Variants in KAZN observed in about 807,000 individuals in gnomAD.
The protein encoded by KAZN is kazrin, periplakin interacting protein.
A neutral mutation model predicts 87.4 loss-of-function variants in KAZN; 40 were observed. The ratio of observed to expected loss-of-function variants is 0.46; its 90% CI spans 0.36 to 0.60. The LOEUF is 0.60. Among genes scored for constraint, KAZN ranks in the 20% least tolerant of loss-of-function variants. The pLI is 0.00. For missense variants in KAZN, 898 were observed against 1,073.9 expected (o/e 0.84, Z 2.29); for synonymous variants, 466 against 458.3 (o/e 1.02, Z -0.22).
chr1:14,111,064 C>T (rs1644489497), intron 1 of KAZN, among the ~76,000 whole-genome samples: 1 of 134,380 alleles, frequency 7.4e-6, no homozygotes, highest in Non-Finnish European at 1.6e-5. Flanking sequence ...AGTGGAAGTA[C>T]ATCAATGTCC....
chr1:14,475,455 C>A (rs1354251252), intron 2 of KAZN, among the ~76,000 whole-genome samples: 1 of 152,152 alleles, frequency 6.6e-6, no homozygotes, highest in Non-Finnish European at 1.5e-5. Context: ...ATTCACCTCC[C>A]GTATCTTGTG....
At chr1:14,258,309 G>A (rs1206122049) in intron 2 of KAZN, among the ~76,000 whole-genome samples, 4 of 148,876 alleles carry the variant, frequency 2.7e-5, no homozygotes, top group South Asian at 2.1e-4. Context: ...TCTGCCTCCC[G>A]GGTTCACACC....
intron 1 of KAZN, among the ~76,000 whole-genome samples, chr1:14,931,468 CATGGGA>C (rs1388414774): frequency 1.3e-5 from 2 of 151,844 alleles, no homozygotes; most frequent in Non-Finnish European, 2.9e-5. Flanking sequence ...AGAGAGAAGT[CATGGGA>C]ATGTCTTGGC....
chr1:13,907,267 G>A (rs1200471286), intron 1 of KAZN, among the ~76,000 whole-genome samples: 1 of 152,216 alleles, frequency 6.6e-6, no homozygotes, highest in Non-Finnish European at 1.5e-5. Context: ...AACACATTTT[G>A]TGCCTCTCAA....
intron 1 of KAZN, among the ~76,000 whole-genome samples, chr1:14,781,054 G>A (rs1034409619): frequency 1.3e-5 from 2 of 152,144 alleles, no homozygotes; most frequent in South Asian, 4.1e-4. Context: ...CGGGCGCGGA[G>A]GATCACACCT....
At chr1:14,328,359 C>T (rs1656591031) in intron 2 of KAZN, among the ~76,000 whole-genome samples, 1 of 152,174 alleles carries the variant, frequency 6.6e-6, no homozygotes. Context: ...CAAAACCTCC[C>T]TTACTTTGTG....
chr1:14,047,527 T>C (rs1476090512), intron 1 of KAZN, among the ~76,000 whole-genome samples: 2 of 152,176 alleles, frequency 1.3e-5, no homozygotes, highest in Non-Finnish European at 2.9e-5. Flanking sequence ...ATGGCACCAC[T>C]GCTCGCCTGG....
chr1:15,011,963 G>T (rs1669613244), intron 2 of KAZN, among the ~76,000 whole-genome samples: 1 of 152,112 alleles, frequency 6.6e-6, no homozygotes, highest in African/African-American at 2.4e-5. Flanking sequence ...CTTCAGGGCT[G>T]CTGGAACTTG....
chr1:14,792,610 G>A (rs1645710287), intron 1 of KAZN, among the ~76,000 whole-genome samples: 2 of 152,116 alleles, frequency 1.3e-5, no homozygotes, highest in African/African-American at 4.8e-5. Context: ...GAGAGGGTGT[G>A]CCAAGCAGAG....
intron 1 of KAZN, among the ~76,000 whole-genome samples, chr1:14,004,764 C>CAGT (rs61504616): frequency 0.95 from 144,149 of 152,070 alleles, 68,582 homozygotes; most frequent in African/African-American, 0.97. Flanking sequence ...ACTTAATCTC[C>CAGT]CTGGCAGTAT....
intron 2 of KAZN, among the ~76,000 whole-genome samples, chr1:14,400,367 GA>G (rs1457931328): frequency 6.6e-6 from 1 of 152,170 alleles, no homozygotes; most frequent in Non-Finnish European, 1.5e-5. Context: ...TGTAGGACTA[GA>G]AAGACACTTG....
intron 1 of KAZN, among the ~76,000 whole-genome samples, chr1:14,138,928 C>G (rs1355244877): frequency 1.3e-5 from 2 of 152,164 alleles, no homozygotes; most frequent in Non-Finnish European, 2.9e-5. Flanking sequence ...GATTTAGAAT[C>G]ATACAAATTG....
chr1:14,054,918 G>T (rs1486323966), intron 1 of KAZN, among the ~76,000 whole-genome samples: 1 of 152,224 alleles, frequency 6.6e-6, no homozygotes, highest in Non-Finnish European at 1.5e-5. Flanking sequence ...TGGCTCTAGA[G>T]CAGATGTCTC....
chr1:14,935,574 C>T (rs973900386), intron 1 of KAZN, among the ~76,000 whole-genome samples: 2 of 152,238 alleles, frequency 1.3e-5, no homozygotes, highest in Admixed American at 1.3e-4. Flanking sequence ...TGGGTGTTAA[C>T]AAGCCCTGCA....
rs1679886309 is a variant in KAZN, at chr1:14,635,360, G to C, written c.226+36137G>C. Reference sequence around the variant, plus strand: ...GGTCTCCACCCACTGGGTATCACTGGCACTTGCCCGTGGATGTGACACCCA... The same window carrying C: ...GGTCTCCACCCACTGGGTATCACTGCCACTTGCCCGTGGATGTGACACCCA... On this transcript the variant is annotated intron_variant, in intron 1 of 14. Coordinates refer to ENST00000376030, the MANE Select transcript of KAZN (RefSeq NM_201628.3). Among the ~76,000 whole-genome samples, 3 of 152,296 alleles carry C rather than the reference G, an allele frequency of 2.0e-5. No individual in the cohort carries two copies. The South Asian group carries it at 6.2e-4, about 32-fold the overall frequency.
At chr1:13,950,326 C>T (rs555331864) in intron 1 of KAZN, among the ~76,000 whole-genome samples, 2 of 152,290 alleles carry the variant, frequency 1.3e-5, no homozygotes, top group Non-Finnish European at 2.9e-5. Flanking sequence ...ACATTGCCCC[C>T]ACAGAGCACT....
At chr1:14,576,131 T>C (rs1675163617) in intron 2 of KAZN, among the ~76,000 whole-genome samples, 1 of 152,224 alleles carries the variant, frequency 6.6e-6, no homozygotes, top group South Asian at 2.1e-4. Context: ...GTGACTTGAA[T>C]AAGTCACTTA....
intron 1 of KAZN, among the ~76,000 whole-genome samples, chr1:14,034,578 G>C (rs1218721860): frequency 2.6e-5 from 4 of 152,200 alleles, no homozygotes; most frequent in African/African-American, 9.7e-5. Context: ...TCAATTAAAT[G>C]TGCTAGGTTT....
intron 1 of KAZN, among the ~76,000 whole-genome samples, chr1:14,894,335 G>A (rs528553443): frequency 2.2e-4 from 34 of 152,216 alleles, no homozygotes; most frequent in African/African-American, 6.0e-4. Flanking sequence ...ACTAACTCCC[G>A]CTTTATAACT....
Sources: allele counts gnomAD v4.1 joint callset (sites outside exome capture counted in the v4.1 genomes callset), GRCh38; gene constraint gnomAD v4.1.1; transcripts MANE v1.5; gene names NCBI Gene and HGNC (gene_info 2026-07-23, HGNC 2026-07-21).